Variants in ZMYM4 observed in about 807,000 individuals in gnomAD.
ZMYM4 encodes the protein zinc finger MYM-type containing 4, also known as zinc finger MYM-type protein 4.
ZMYM4 carries 31 observed loss-of-function variants against 183.2 expected under a neutral mutation model. The observed-to-expected ratio is 0.17, with a 90% confidence interval of 0.13 to 0.23. The LOEUF is 0.23. Among genes scored for constraint, ZMYM4 ranks in the 10% least tolerant of loss-of-function variants. The probability of loss-of-function intolerance (pLI) is 1.00; values close to 1 mark genes in which losing one functional copy is unlikely to be tolerated. For missense variants in ZMYM4, 1,273 were observed against 1,840.3 expected, an observed-to-expected ratio of 0.69 and a Z score of 5.64; for synonymous variants, 592 against 631.2, an observed-to-expected ratio of 0.94 and a Z score of 0.93.
intron 23 of ZMYM4, among the ~76,000 whole-genome samples, chr1:35,399,840 T>G (rs1173729173): frequency 6.6e-6 from 1 of 152,132 alleles, no homozygotes; most frequent in African/African-American, 2.4e-5. Context: ...TTTTTATGCT[T>G]TATCTGTTTG....
At chr1:35,405,758 GTTTTTTTTTTGT>G (rs1644991420) in intron 25 of ZMYM4, among the ~76,000 whole-genome samples, 1 of 59,956 alleles carries the variant, frequency 1.7e-5, no homozygotes, top group Middle Eastern at 0.011. Context: ...GTGGAGCCCA[GTTTTTTTTTTGT>G]TTTTTTTTTT....
chr1:35,381,234 T>A, intron 7 of ZMYM4, 25 bp from the exon 8 acceptor site: 1 of 1,542,240 alleles, frequency 6.5e-7, no homozygotes, highest in Non-Finnish European at 8.8e-7. Context: ...TACCATGGCT[T>A]ATGTTATTTT....
chr1:35,362,161 A>G (rs1196931732), intron 5 of ZMYM4, among the ~76,000 whole-genome samples: 2 of 152,202 alleles, frequency 1.3e-5, no homozygotes, highest in East Asian at 3.8e-4. Flanking sequence ...AATGAAGTAC[A>G]GGCTATATAT....
intron 9 of ZMYM4, among the ~76,000 whole-genome samples, chr1:35,382,449 G>A (rs1644484682): frequency 6.7e-6 from 1 of 150,208 alleles, no homozygotes; most frequent in Non-Finnish European, 1.5e-5. Flanking sequence ...AGTTTTTAGA[G>A]TGTGGCTTTT....
chr1:35,402,711 TAAAA>T (rs1030086705), intron 23 of ZMYM4, among the ~76,000 whole-genome samples: 1 of 152,166 alleles, frequency 6.6e-6, no homozygotes, highest in African/African-American at 2.4e-5. Context: ...ATCTTAGAAA[TAAAA>T]AAAAGAAATA....
chr1:35,392,805 C>A, intron 17 of ZMYM4, 121 bp downstream of exon 17: 1 of 674,390 alleles, frequency 1.5e-6, no homozygotes, highest in Non-Finnish European at 2.4e-6. Context: ...TTCATTAGCT[C>A]ATTTAATCTT....
At chr1:35,270,156 C>T (rs1639523351) in intron 1 of ZMYM4, among the ~76,000 whole-genome samples, 1 of 152,064 alleles carries the variant, frequency 6.6e-6, no homozygotes, top group Non-Finnish European at 1.5e-5. Context: ...CCTCCTAGAA[C>T]CTATTTGCAG....
intron 1 of ZMYM4, among the ~76,000 whole-genome samples, chr1:35,301,708 C>A (rs181020978): frequency 2.6e-4 from 39 of 152,248 alleles, no homozygotes; most frequent in African/African-American, 7.9e-4. Flanking sequence ...TGATACTTAG[C>A]TGAAGACTAG....
In ZMYM4 at chr1:35,361,217, C is replaced by A; in HGVS notation, c.631C>A (p.His211Asn). 1 of 1,604,886 alleles carries A rather than the reference C, an allele frequency of 6.2e-7. No homozygotes were observed. The highest frequency in any genetic ancestry group is 8.5e-7 in the Non-Finnish European group (1 of 1,176,308). ...KAANQVEETL[H>N]THLPQTPETN... ...AGCTAATCAAGTTGAAGAAACATTA[C>A]ATACCCATTTACCACAAACCCCAGA... The change falls in exon 4 of 30, where the codon CAT (histidine) becomes AAT (asparagine). Residue 211 changes from histidine to asparagine, a missense_variant. By Grantham distance (68) the His-to-Asn change is moderately conservative. Coordinates refer to ENST00000314607, the MANE Select transcript of ZMYM4 (RefSeq NM_005095.3).
intron 1 of ZMYM4, among the ~76,000 whole-genome samples, chr1:35,272,385 A>G (rs1316867521): frequency 6.6e-6 from 1 of 152,234 alleles, no homozygotes; most frequent in African/African-American, 2.4e-5. Context: ...ACTTAGGGTC[A>G]TTTAGGATAA....
At chr1:35,295,024 T>TA (rs1407946441) in intron 1 of ZMYM4, among the ~76,000 whole-genome samples, 1 of 152,240 alleles carries the variant, frequency 6.6e-6, no homozygotes, top group African/African-American at 2.4e-5. Context: ...GAGTGCCTGT[T>TA]ATGCATGAGG....
At chr1:35,330,327 T>C (rs1452135613) in intron 2 of ZMYM4, among the ~76,000 whole-genome samples, 1 of 152,180 alleles carries the variant, frequency 6.6e-6, no homozygotes, top group Non-Finnish European at 1.5e-5. Flanking sequence ...GATGATAATA[T>C]GGCTCTGTGG....
intron 1 of ZMYM4, among the ~76,000 whole-genome samples, chr1:35,301,070 C>T (rs1641255550): frequency 6.6e-6 from 1 of 152,058 alleles, no homozygotes; most frequent in Admixed American, 6.6e-5. Flanking sequence ...ATTTTTGGTA[C>T]CCTGTATCCC....
intron 27 of ZMYM4, among the ~76,000 whole-genome samples, chr1:35,414,336 AT>A: frequency 6.6e-6 from 1 of 152,196 alleles, no homozygotes; most frequent in East Asian, 1.9e-4. Flanking sequence ...TTTAGAAACC[AT>A]TTTTGATCTG....
chr1:35,367,240 A>G (rs929824420), intron 5 of ZMYM4, among the ~76,000 whole-genome samples: 3 of 151,630 alleles, frequency 2.0e-5, no homozygotes, highest in Admixed American at 2.0e-4. Flanking sequence ...TTTTTAAAAG[A>G]CAGAGTTTCA....
Position 35,381,542 on chromosome 1 carries a change from C to G in ZMYM4, c.1357-4C>G. ...TTTTTGTGTTGCTGTTATTTAATTT[C>G]TAGATTCGACATGAAGTTAATTACC... On this transcript the variant is annotated splice_polypyrimidine_tract_variant and splice_region_variant and intron_variant, in intron 8 of 29. Coordinates refer to ENST00000314607, the MANE Select transcript of ZMYM4 (RefSeq NM_005095.3). 6.2e-7 allele frequency: 1 copy of G among 1,614,046 alleles called. No individual in the cohort carries two copies. Among genetic ancestry groups the G allele is most frequent in the Non-Finnish European group, 8.5e-7 (1 of 1,179,966 alleles).
intron 4 of ZMYM4, 125 bp from the exon 5 acceptor site, chr1:35,361,494 G>A: frequency 8.7e-7 from 1 of 1,155,060 alleles, no homozygotes; most frequent in Non-Finnish European, 1.2e-6. Context: ...GTAGGCATAA[G>A]ATCCAAAAGC....
rs180932618 is a variant in ZMYM4, at chr1:35,403,093, T to G, written c.3529-1930T>G. On this transcript the variant is annotated intron_variant, in intron 23 of 29. Transcript: ENST00000314607. ...TTAAATCATGATTGGGTATTGAACT[T>G]CCTCAGGTGGATTTCTTGCATCTTT... is the stretch of plus-strand genomic sequence containing the variant. Among the ~76,000 whole-genome samples, 42 of 152,370 alleles carry G rather than the reference T, an allele frequency of 2.8e-4. No homozygotes were observed. In the East Asian group the frequency reaches 8.1e-3, roughly 29 times the overall value.
chr1:35,288,376 T>A (rs1159065880), intron 1 of ZMYM4, among the ~76,000 whole-genome samples: 1 of 152,240 alleles, frequency 6.6e-6, no homozygotes, highest in Non-Finnish European at 1.5e-5. Context: ...AAGGTGGTTA[T>A]TGGTCAGAGT....
Sources: allele counts gnomAD v4.1 joint callset (sites outside exome capture counted in the v4.1 genomes callset), GRCh38; gene constraint gnomAD v4.1.1; transcripts MANE v1.5; gene names NCBI Gene and HGNC (gene_info 2026-07-23, HGNC 2026-07-21).